The following PDE4B variants were observed in gnomAD, a reference collection of about 807,000 sequenced individuals.
PDE4B encodes phosphodiesterase 4B.
PDE4B carries 20 observed loss-of-function variants against 82.2 expected under a neutral mutation model. That is an observed-to-expected ratio of 0.24 (90% CI 0.17 to 0.35). PDE4B has a LOEUF of 0.35. Among genes scored for constraint, PDE4B ranks in the 10% least tolerant of loss-of-function variants. The probability of loss-of-function intolerance (pLI) is 1.00; values close to 1 mark genes in which losing one functional copy is unlikely to be tolerated. For missense variants in PDE4B, 655 were observed against 907.2 expected, an observed-to-expected ratio of 0.72 and a Z score of 3.57; for synonymous variants, 320 against 318.9, an observed-to-expected ratio of 1.00 and a Z score of -0.04.
At chr1:66,283,844 A>G (rs557323396) in intron 7 of PDE4B, among the ~76,000 whole-genome samples, 2 of 152,228 alleles carry the variant, frequency 1.3e-5, no homozygotes, top group East Asian at 3.9e-4. Context: ...GCTTACTTTT[A>G]ATGGGTTTTC....
intron 1 of PDE4B, among the ~76,000 whole-genome samples, chr1:65,888,217 A>G (rs938608560): frequency 1.3e-5 from 2 of 152,086 alleles, no homozygotes; most frequent in African/African-American, 4.8e-5. Context: ...TCTTTCTCCA[A>G]TATATATTCT....
At chr1:65,874,196 A>C (rs1646609815) in intron 1 of PDE4B, among the ~76,000 whole-genome samples, 2 of 151,346 alleles carry the variant, frequency 1.3e-5, no homozygotes, top group Non-Finnish European at 3.0e-5. Flanking sequence ...ATGGGAGTTC[A>C]CTCATGATTT....
At chr1:66,087,987 G>A (rs534795953) in intron 3 of PDE4B, among the ~76,000 whole-genome samples, 126 of 151,778 alleles carry the variant, frequency 8.3e-4, no homozygotes, top group Non-Finnish European at 9.6e-4. Flanking sequence ...CCTGCACATT[G>A]TGCACATGTA....
intron 3 of PDE4B, among the ~76,000 whole-genome samples, chr1:66,218,589 A>G (rs1650699427): frequency 6.6e-6 from 1 of 152,050 alleles, no homozygotes; most frequent in African/African-American, 2.4e-5. Context: ...AATCCTTTTC[A>G]ATATCAGTGC....
chr1:66,035,868 G>A (rs565783126), intron 3 of PDE4B, among the ~76,000 whole-genome samples: 1 of 152,230 alleles, frequency 6.6e-6, no homozygotes, highest in South Asian at 2.1e-4. Context: ...CCAGTAGTGG[G>A]GATTGCTGGA....
At chr1:66,065,451 A>G (rs894914714) in intron 3 of PDE4B, among the ~76,000 whole-genome samples, 3 of 151,948 alleles carry the variant, frequency 2.0e-5, no homozygotes, top group African/African-American at 7.2e-5. Flanking sequence ...ATGATCTAGA[A>G]TTGATAACCA....
chr1:65,931,368 A>G (rs1188956203), intron 3 of PDE4B, among the ~76,000 whole-genome samples: 4 of 152,216 alleles, frequency 2.6e-5, no homozygotes, highest in African/African-American at 9.7e-5. Context: ...TTTGGGAGAG[A>G]GGAAATAAAA....
intron 3 of PDE4B, among the ~76,000 whole-genome samples, chr1:66,218,207 T>G (rs1650658842): frequency 6.6e-6 from 1 of 151,904 alleles, no homozygotes; most frequent in Admixed American, 6.6e-5. Context: ...ACTACCAAAT[T>G]AAGGACAAGG....
At chr1:66,080,765 AT>A (rs1400189683) in intron 3 of PDE4B, among the ~76,000 whole-genome samples, 1 of 152,062 alleles carries the variant, frequency 6.6e-6, no homozygotes, top group Admixed American at 6.6e-5. Context: ...GTTAACTTTT[AT>A]TTTAGAATTG....
rs375055476 is a variant in PDE4B, at chr1:66,335,482, C to T, written c.747+2862C>T. Among the ~76,000 whole-genome samples, 140 of 152,284 alleles carry T rather than the reference C, an allele frequency of 9.2e-4. 1 individual carries two copies. The highest frequency in any genetic ancestry group is 3.2e-3 in the African/African-American group (132 of 41,562). On this transcript the variant is annotated intron_variant, in intron 8 of 16. Coordinates refer to ENST00000341517, the MANE Select transcript of PDE4B (RefSeq NM_002600.4). ...TGTGCTTTTTTAGTTTGTTTGTTTT[C>T]CTTAATCCTTTAAATTTTGAAGAAA...
At chr1:66,038,781 A>G (rs1248777571) in intron 3 of PDE4B, among the ~76,000 whole-genome samples, 1 of 152,140 alleles carries the variant, frequency 6.6e-6, no homozygotes, top group African/African-American at 2.4e-5. Context: ...TTAAGAGTGA[A>G]AGACCAGGTC....
At chr1:65,903,605 A>G (rs1399292660) in intron 1 of PDE4B, among the ~76,000 whole-genome samples, 1 of 152,016 alleles carries the variant, frequency 6.6e-6, no homozygotes, top group Non-Finnish European at 1.5e-5. Flanking sequence ...AAATTTAAAA[A>G]AACAAAAATA....
At chr1:66,125,637 A>T (rs1365117247) in intron 3 of PDE4B, among the ~76,000 whole-genome samples, 1 of 152,160 alleles carries the variant, frequency 6.6e-6, no homozygotes, top group African/African-American at 2.4e-5. Flanking sequence ...TGGTTTCCTT[A>T]TCTGGGATTT....
chr1:66,081,529 A>G (rs10493396), intron 3 of PDE4B, among the ~76,000 whole-genome samples: 70,026 of 151,976 alleles, frequency 0.46, 16,643 homozygotes, highest in Non-Finnish European at 0.52. Context: ...TATCTATACT[A>G]ATTTCTCAAG....
At chr1:65,861,064 TG>T (rs1646448884) in intron 1 of PDE4B, among the ~76,000 whole-genome samples, 1 of 152,236 alleles carries the variant, frequency 6.6e-6, no homozygotes, top group Non-Finnish European at 1.5e-5. Context: ...AGATCCCTTT[TG>T]TCAATGTTGA....
chr1:66,354,631 G>T, intron 8 of PDE4B: 2 of 1,364,214 alleles, frequency 1.5e-6, no homozygotes, highest in Non-Finnish European at 1.9e-6. Flanking sequence ...CAGGAAATAA[G>T]CAGGGAGCAT....
intron 1 of PDE4B, among the ~76,000 whole-genome samples, chr1:65,822,402 G>T (rs1645963486): frequency 6.6e-6 from 1 of 151,986 alleles, no homozygotes; most frequent in Non-Finnish European, 1.5e-5. Flanking sequence ...TTTCAACTTT[G>T]CAAAATGATG....
At chr1:65,957,285 T>C (rs1470979314) in intron 3 of PDE4B, among the ~76,000 whole-genome samples, 1 of 152,116 alleles carries the variant, frequency 6.6e-6, no homozygotes, top group African/African-American at 2.4e-5. Context: ...ACTTTATAAA[T>C]ATCTTTTCCT....
At chr1:65,859,584 T>C (rs912219186) in intron 1 of PDE4B, among the ~76,000 whole-genome samples, 12 of 152,156 alleles carry the variant, frequency 7.9e-5, no homozygotes, top group Non-Finnish European at 1.5e-5. Flanking sequence ...GACCGTCATA[T>C]AAAATGAACG....
Sources: allele counts gnomAD v4.1 joint callset (sites outside exome capture counted in the v4.1 genomes callset), GRCh38; gene constraint gnomAD v4.1.1; transcripts MANE v1.5; gene names NCBI Gene and HGNC (gene_info 2026-07-23, HGNC 2026-07-21).